The following TBC1D2B variants were observed in gnomAD, a reference collection of about 807,000 sequenced individuals.
TBC1D2B encodes the protein TBC1 domain family member 2B.
TBC1D2B carries 64 observed loss-of-function variants against 100.8 expected under a neutral mutation model. The ratio of observed to expected loss-of-function variants is 0.64; its 90% CI spans 0.52 to 0.78. The LOEUF (loss-of-function observed/expected upper bound fraction) is 0.78, where lower values mean the gene tolerates loss of function less well. Among genes scored for constraint, TBC1D2B ranks in the 30% least tolerant of loss-of-function variants. TBC1D2B has a pLI of 0.00. For missense variants in TBC1D2B, 1,052 were observed against 1,218.4 expected, an observed-to-expected ratio of 0.86 and a Z score of 2.03; for synonymous variants, 480 against 479.7, an observed-to-expected ratio of 1.00 and a Z score of -0.01.
At chr15:78,048,772 G>A (rs1010941215) in intron 2 of TBC1D2B, among the ~76,000 whole-genome samples, 14 of 152,208 alleles carry the variant, frequency 9.2e-5, no homozygotes, top group African/African-American at 1.4e-4. Flanking sequence ...GCACAGGGGC[G>A]GCTCCTGCCT....
intron 6 of TBC1D2B, among the ~76,000 whole-genome samples, chr15:78,019,901 A>AAGC (rs1567018356): frequency 3.6e-5 from 5 of 137,058 alleles, no homozygotes; most frequent in Admixed American, 1.5e-4. Context: ...AAAAAAAAAA[A>AAGC]GGGGGGGGGA....
intron 12 of TBC1D2B, among the ~76,000 whole-genome samples, chr15:78,000,732 T>C (rs958289924): frequency 1.3e-5 from 2 of 152,228 alleles, no homozygotes; most frequent in Non-Finnish European, 2.9e-5. Context: ...CCAGGGGACA[T>C]ACAGACGAGG....
At chr15:78,007,012 A>C (rs1887332129) in intron 10 of TBC1D2B, among the ~76,000 whole-genome samples, 1 of 152,242 alleles carries the variant, frequency 6.6e-6, no homozygotes, top group African/African-American at 2.4e-5. Flanking sequence ...CGGGAACAGC[A>C]GCAGGGGCCC....
rs748873880 is a variant in TBC1D2B, at chr15:78,016,534, T to C, written c.1775+12A>G. 1.2e-6 allele frequency: 2 copies of C among 1,610,880 alleles called. No homozygotes were observed. The highest frequency in any genetic ancestry group is 1.1e-5 in the South Asian group (1 of 90,620). ...GGGGTGCACTACCCTCAACAGTCACTAGCACATTTACCTGACAAGATGAGG... is the reference window on the plus strand; with the variant it reads ...GGGGTGCACTACCCTCAACAGTCACCAGCACATTTACCTGACAAGATGAGG... On this transcript the variant is annotated intron_variant, in intron 8 of 12. Transcript: ENST00000300584.
rs573064567 is a variant in TBC1D2B, at chr15:77,997,984, G to T, written c.*176C>A. 5 of 534,264 alleles carry T rather than the reference G, an allele frequency of 9.4e-6. No homozygotes were observed. In the East Asian group the frequency reaches 1.3e-4, roughly 14 times the overall value. The allele number at this position is 534,264 out of a possible 1,614,324, so 33.1% of individuals were successfully genotyped here. A position where few individuals can be genotyped will look rare whatever the true frequency, so the allele number is the denominator to read the frequency against. On this transcript the variant is annotated 3_prime_UTR_variant, in exon 13 of 13. Coordinates refer to ENST00000300584, the MANE Select transcript of TBC1D2B (RefSeq NM_144572.2). Reference sequence around the variant, plus strand: ...CACGGAAATGGTTGTAAACAGATTAGACCTCCCACCCCTGCCCCCCGCACA... The same window carrying T: ...CACGGAAATGGTTGTAAACAGATTATACCTCCCACCCCTGCCCCCCGCACA...
chr15:78,011,679 C>T (rs1298239931), intron 9 of TBC1D2B, among the ~76,000 whole-genome samples: 3 of 143,904 alleles, frequency 2.1e-5, no homozygotes, highest in South Asian at 4.4e-4. Flanking sequence ...GACAGAGTCT[C>T]GCTCTGTTGT....
rs2073845645 is a variant in TBC1D2B at position 78,077,307 on chromosome 15, C to T, written c.346G>A (p.Val116Ile). Residue 116 changes from valine (V) to isoleucine (I), a missense_variant, in exon 1 of 13, where the codon GTC (valine) becomes ATC (isoleucine). Physicochemically the swap from Val to Ile is conservative, Grantham distance 29. Transcript: ENST00000300584. ...AHFQVHSAGA[V>I]TVLKAPNRQL... ...AGCGGTCCCACCTTGAGCACCGTGA[C>T]GGCTCCCGCGCTGTGCACCTGGAAG... 2.6e-6 allele frequency: 4 copies of T among 1,521,298 alleles called. No homozygotes were observed. Among genetic ancestry groups the T allele is most frequent in the Non-Finnish European group, 3.5e-6 (4 of 1,136,254 alleles). The allele number at this position is 1,521,298 out of a possible 1,614,324, so 94.2% of individuals were successfully genotyped here. A position where few individuals can be genotyped will look rare whatever the true frequency, so the allele number is the denominator to read the frequency against.
intron 10 of TBC1D2B, 150 bp downstream of exon 10, chr15:78,008,847 C>A: frequency 1.6e-6 from 1 of 624,562 alleles, no homozygotes. Flanking sequence ...CTGGGGACAG[C>A]CTCTGAGATG....
chr15:78,015,709 A>G (rs1382304633), intron 8 of TBC1D2B, among the ~76,000 whole-genome samples: 2 of 152,250 alleles, frequency 1.3e-5, no homozygotes, highest in Non-Finnish European at 2.9e-5. Context: ...AAGTGAGGAT[A>G]AAAACACTCA....
rs1406299259 is a variant in TBC1D2B, at chr15:78,024,150, T to C, written c.1470+6A>G. 3 of 1,605,350 alleles carry C rather than the reference T, an allele frequency of 1.9e-6. No homozygotes were observed. The highest frequency in any genetic ancestry group is 1.7e-6 in the Non-Finnish European group (2 of 1,175,146). ...CCAATCACCAGAGCCCCTGCCCCAC[T>C]CTTACTTTCAGCCTGTCCAGTTCCA... On this transcript the variant is annotated splice_donor_region_variant and intron_variant, in intron 6 of 12. Transcript: ENST00000300584.
At chr15:78,016,269 T>C (rs2072371625) in intron 8 of TBC1D2B, among the ~76,000 whole-genome samples, 2 of 152,134 alleles carry the variant, frequency 1.3e-5, no homozygotes, top group Admixed American at 1.3e-4. Flanking sequence ...CTTGGAAGAC[T>C]GGCTCCTCCT....
chr15:77,997,792 G>A lies in TBC1D2B; in HGVS notation c.*368C>T, dbSNP rs755045631. On this transcript the variant is annotated 3_prime_UTR_variant, in exon 13 of 13. Transcript: ENST00000300584. ...ACACACCACTGCCCACTATGTACAGGAGAGAGAATATGGGGAGATGCCCAG... is the reference window on the plus strand; with the variant it reads ...ACACACCACTGCCCACTATGTACAGAAGAGAGAATATGGGGAGATGCCCAG... The A allele has an allele frequency of 5.5e-6, 1 of 180,788 alleles. No homozygotes were observed. The highest frequency in any genetic ancestry group is 1.6e-4 in the East Asian group (1 of 6,294). 11.2% of individuals were successfully genotyped at this position (180,788 alleles called of 1,614,324 possible).
At chr15:78,040,638 G>A (rs28668994) in intron 3 of TBC1D2B, among the ~76,000 whole-genome samples, 39 of 43,388 alleles carry the variant, frequency 9.0e-4, no homozygotes, top group African/African-American at 1.6e-3. Context: ...GAAAGAAAAA[G>A]AAAGAAAGGA....
chr15:78,023,198 AACACCCTCGGAG>A (rs1186249837), intron 6 of TBC1D2B, among the ~76,000 whole-genome samples: 1 of 152,156 alleles, frequency 6.6e-6, no homozygotes, highest in African/African-American at 2.4e-5. Flanking sequence ...TCCAGAGCCA[AACACCCTCGGAG>A]ACACATTATT....
chr15:78,069,126 AC>A (rs1025323493), intron 1 of TBC1D2B, among the ~76,000 whole-genome samples: 1 of 151,774 alleles, frequency 6.6e-6, no homozygotes, highest in African/African-American at 2.4e-5. Context: ...AGACTGGTCC[AC>A]CCCCCTCAGA....
intron 1 of TBC1D2B, among the ~76,000 whole-genome samples, chr15:78,067,370 C>T (rs970605561): frequency 1.3e-5 from 2 of 152,324 alleles, no homozygotes; most frequent in Admixed American, 1.3e-4. Context: ...AGGCCAGAGG[C>T]AAAGCTTGAC....
At chr15:78,001,862 C>T (rs753022526) in intron 11 of TBC1D2B, 122 bp from the exon 12 acceptor site, 1 of 1,164,094 alleles carries the variant, frequency 8.6e-7, no homozygotes, top group Non-Finnish European at 1.2e-6. Flanking sequence ...CGGTCCCCGC[C>T]CTGGGGAAAG....
chr15:78,016,884 T>G (rs1596311119), intron 7 of TBC1D2B, 145 bp from the exon 8 acceptor site: 1 of 645,594 alleles, frequency 1.5e-6, no homozygotes, highest in East Asian at 3.1e-5. Context: ...AGAAATTAAT[T>G]TATGCCACAG....
In TBC1D2B at chr15:78,044,912, C is replaced by A; in HGVS notation, c.671G>T (p.Gly224Val). ...SINFYSLKQW[G>V]NELKNSMSSF... ...TCTAAAGACTCACTTGAGCTCATTG[C>A]CCCACTGTTTCAAAGAGTAAAAATT... Residue 224 changes from glycine to valine, a missense_variant, in exon 3 of 13, where the codon GGC (glycine) becomes GTC (valine). Physicochemically the swap from Gly to Val is moderately radical, Grantham distance 109. Transcript: ENST00000300584. 6.2e-7 allele frequency: 1 copy of A among 1,611,002 alleles called. No individual in the cohort carries two copies. The highest frequency in any genetic ancestry group is 8.5e-7 in the Non-Finnish European group (1 of 1,178,270).
Sources: gnomAD v4.1 joint callset for allele counts (sites outside exome capture counted in the v4.1 genomes callset) on GRCh38, gnomAD v4.1.1 for gene constraint, MANE v1.5 for transcripts, NCBI Gene and HGNC (gene_info 2026-07-23, HGNC 2026-07-21) for gene names.